PRKN: variants seen among roughly 807,000 people sequenced by gnomAD.
The protein encoded by PRKN is E3 ubiquitin-protein ligase parkin.
In PRKN, 56 loss-of-function variants were observed where a neutral mutation model predicts 59.5. That is an observed-to-expected ratio of 0.94 (90% CI 0.76 to 1.18). PRKN has a LOEUF of 1.18. Among genes scored for constraint, PRKN ranks in the 50% most tolerant of loss-of-function variants. The pLI is 0.00. For synonymous variants in PRKN, 250 were observed against 222.1 expected, an observed-to-expected ratio of 1.13 and a Z score of -1.12; for missense variants, 657 against 596.4, an observed-to-expected ratio of 1.10 and a Z score of -1.06.
At chr6:162,255,035 G>C (rs936306586) in intron 3 of PRKN, among the ~76,000 whole-genome samples, 1 of 150,740 alleles carries the variant, frequency 6.6e-6, no homozygotes, top group Non-Finnish European at 1.5e-5. Flanking sequence ...GTGTGGTGGA[G>C]GTGATCAAAC....
chr6:161,753,623 G>A (rs922299088), intron 7 of PRKN, among the ~76,000 whole-genome samples: 7 of 152,208 alleles, frequency 4.6e-5, no homozygotes. Flanking sequence ...AGGAGATGAA[G>A]CAGGGAGGGA....
At chr6:162,509,733 A>G (rs910845987) in intron 1 of PRKN, among the ~76,000 whole-genome samples, 3 of 152,220 alleles carry the variant, frequency 2.0e-5, no homozygotes, top group Non-Finnish European at 2.9e-5. Context: ...TGCTGTATAA[A>G]AAAGTCATTA....
chr6:162,713,353 G>A lies in PRKN; in HGVS notation c.7+14309C>T, dbSNP rs112927973. Among the ~76,000 whole-genome samples the A allele has an allele frequency of 5.1e-3, 783 of 152,086 alleles. 7 individuals are homozygous for A. Among genetic ancestry groups the A allele is most frequent in the African/African-American group, 0.017 (715 of 41,494 alleles). On this transcript the variant is annotated intron_variant, in intron 1 of 11. Coordinates refer to ENST00000366898, the MANE Select transcript of PRKN (RefSeq NM_004562.3). Reference sequence around the variant, plus strand: ...ATTAAAAATACAAAAAATTAGCCACGCGTGCTGGCGGGCGCCTGTAGTCCC... The same window carrying A: ...ATTAAAAATACAAAAAATTAGCCACACGTGCTGGCGGGCGCCTGTAGTCCC...
intron 9 of PRKN, among the ~76,000 whole-genome samples, chr6:161,510,448 C>A (rs1279338406): frequency 1.3e-5 from 2 of 152,168 alleles, no homozygotes; most frequent in African/African-American, 2.4e-5. Flanking sequence ...GAGATCCCCA[C>A]ATCAAGTTGT....
rs1413980907 is a variant in PRKN at position 162,472,606 on chromosome 6, G to A, written c.8-29133C>T. ...GGGTTCACGCCATTCTCCTGCCTCA[G>A]CCTCCCGAGTAGCTGGGACTACAGG... On this transcript the variant is annotated intron_variant, in intron 1 of 11. Coordinates refer to ENST00000366898, the MANE Select transcript of PRKN (RefSeq NM_004562.3). 8.5e-5 allele frequency among the ~76,000 whole-genome samples: 11 copies of A among 129,100 alleles called. 1 individual carries two copies. The highest frequency in any genetic ancestry group is 3.0e-4 in the African/African-American group (11 of 36,080). 84.7% of individuals were successfully genotyped at this position (129,100 alleles called of 152,430 possible). A position where few individuals can be genotyped will look rare whatever the true frequency, so the allele number is the denominator to read the frequency against.
intron 10 of PRKN, among the ~76,000 whole-genome samples, chr6:161,364,183 A>AAAAAG (rs1424495447): frequency 6.9e-6 from 1 of 144,440 alleles, no homozygotes; most frequent in Non-Finnish European, 1.5e-5. Flanking sequence ...AAAAAAAAAA[A>AAAAAG]AAAAGAAAAG....
At chr6:161,998,885 G>T (rs77956607) in intron 5 of PRKN, among the ~76,000 whole-genome samples, 12,002 of 152,072 alleles carry the variant, frequency 0.079, 539 homozygotes, top group Middle Eastern at 0.11. Context: ...AATTTATGGT[G>T]TCAGTTTGTT....
intron 1 of PRKN, among the ~76,000 whole-genome samples, chr6:162,672,520 C>T (rs1297084659): frequency 2.0e-5 from 3 of 152,088 alleles, no homozygotes; most frequent in African/African-American, 7.2e-5. Context: ...TTCTATAAAA[C>T]TATGAGGCAT....
chr6:162,182,715 T>G (rs1276454182), intron 4 of PRKN, among the ~76,000 whole-genome samples: 1 of 152,214 alleles, frequency 6.6e-6, no homozygotes, highest in Non-Finnish European at 1.5e-5. Context: ...CACTTTTACT[T>G]TATTGTAATT....
chr6:162,200,177 G>C (rs1319962106), intron 4 of PRKN, among the ~76,000 whole-genome samples: 1 of 152,120 alleles, frequency 6.6e-6, no homozygotes, highest in African/African-American at 2.4e-5. Flanking sequence ...CCAGCACTGT[G>C]TCCTTGACAC....
chr6:162,238,921 T>G (rs1442860097), intron 3 of PRKN, among the ~76,000 whole-genome samples: 1 of 152,168 alleles, frequency 6.6e-6, no homozygotes, highest in Non-Finnish European at 1.5e-5. Context: ...TGGTCGTGGC[T>G]GTGCACCAGT....
At chr6:161,799,171 C>T (rs1249933075) in intron 6 of PRKN, among the ~76,000 whole-genome samples, 1 of 152,196 alleles carries the variant, frequency 6.6e-6, no homozygotes, top group Non-Finnish European at 1.5e-5. Flanking sequence ...CTATTTGGCC[C>T]TTATCAGGAC....
intron 1 of PRKN, among the ~76,000 whole-genome samples, chr6:162,445,803 A>G (rs1189618631): frequency 1.3e-5 from 2 of 149,578 alleles, no homozygotes; most frequent in Non-Finnish European, 3.0e-5. Context: ...TATTCCCTAT[A>G]TGGGTGTGCA....
At chr6:161,722,906 C>T (rs1303308392) in intron 7 of PRKN, among the ~76,000 whole-genome samples, 4 of 152,126 alleles carry the variant, frequency 2.6e-5, no homozygotes. Context: ...ACTTTTAGCT[C>T]TTGAAACATC....
intron 6 of PRKN, among the ~76,000 whole-genome samples, chr6:161,938,240 A>G (rs958411694): frequency 5.9e-5 from 9 of 152,232 alleles, no homozygotes; most frequent in Admixed American, 5.2e-4. Flanking sequence ...AGCGATACAG[A>G]TGGGAAGACA....
rs1163528588 is a variant in PRKN at position 161,414,826 on chromosome 6, CTAT to C, written c.1084-27952_1084-27950del. On this transcript the variant is annotated intron_variant, in intron 9 of 11. Transcript: ENST00000366898. This position sits in a 1 kb window ranked among gnomAD's most constrained non-coding sequence, Gnocchi z 5.3. ...CGGGAGGGTCTGTAGTTGCCAGACT[CTAT>C]TATTGTGGGCTATAAATTAAGAGGC... Among the ~76,000 whole-genome samples the C allele has an allele frequency of 1.3e-5, 2 of 152,220 alleles. No individual in the cohort carries two copies. The highest frequency in any genetic ancestry group is 3.8e-4 in the East Asian group (2 of 5,202).
Position 161,497,175 on chromosome 6 carries a change from G to A in PRKN, c.1083+51679C>T, listed in dbSNP as rs1303053855. Among the ~76,000 whole-genome samples, 2 of 152,186 alleles carry A rather than the reference G, an allele frequency of 1.3e-5. No individual in the cohort carries two copies. Among genetic ancestry groups the A allele is most frequent in the African/African-American group, 4.8e-5 (2 of 41,446 alleles). Reference sequence around the variant, plus strand: ...TTGCTGGCTAGTGGCCTGCAGGAGGGGCACTTATCAGTACTTCCTCACTCC... The same window carrying A: ...TTGCTGGCTAGTGGCCTGCAGGAGGAGCACTTATCAGTACTTCCTCACTCC... On this transcript the variant is annotated intron_variant, in intron 9 of 11. Transcript: ENST00000366898. This position sits in a 1 kb window ranked among gnomAD's most constrained non-coding sequence, Gnocchi z 4.6.
At chr6:161,865,156 A>G (rs1267845503) in intron 6 of PRKN, among the ~76,000 whole-genome samples, 1 of 152,132 alleles carries the variant, frequency 6.6e-6, no homozygotes, top group Non-Finnish European at 1.5e-5. Flanking sequence ...GTACATTCTC[A>G]GTGAGTAGTT....
intron 2 of PRKN, among the ~76,000 whole-genome samples, chr6:162,299,614 C>T (rs925399639): frequency 6.6e-6 from 1 of 151,604 alleles, no homozygotes; most frequent in African/African-American, 2.4e-5. Context: ...TACATTATCA[C>T]TTCCCTTTAT....
Sources: allele counts gnomAD v4.1 joint callset (sites outside exome capture counted in the v4.1 genomes callset), GRCh38; gene constraint gnomAD v4.1.1; non-coding constraint Gnocchi (gnomAD v3.1); transcripts MANE v1.5; gene names NCBI Gene and HGNC (gene_info 2026-07-23, HGNC 2026-07-21).